The following CCDC148 variants were observed in gnomAD, a reference collection of about 807,000 sequenced individuals.
CCDC148 encodes the protein coiled-coil domain-containing protein 148.
CCDC148 carries 89 observed loss-of-function variants against 85.7 expected under a neutral mutation model. That is an observed-to-expected ratio of 1.04 (90% CI 0.87 to 1.24). The LOEUF is 1.24. Ranked by LOEUF, CCDC148 falls within the 50% of genes most tolerant of loss-of-function variation. The probability of loss-of-function intolerance (pLI) is 0.00; values close to 1 mark genes in which losing one functional copy is unlikely to be tolerated. For missense variants in CCDC148, 692 were observed against 671.7 expected (o/e 1.03, Z -0.33); for synonymous variants, 230 against 213.9 (o/e 1.08, Z -0.66).
chr2:158,452,883 C>G (rs1192286076), intron 1 of CCDC148, among the ~76,000 whole-genome samples: 1 of 152,182 alleles, frequency 6.6e-6, no homozygotes, highest in Admixed American at 6.5e-5. Context: ...CCACTGTTTT[C>G]CAAGAGACAG....
chr2:158,265,039 T>C (rs187965812), intron 9 of CCDC148, among the ~76,000 whole-genome samples: 132 of 152,234 alleles, frequency 8.7e-4, no homozygotes, highest in African/African-American at 3.1e-3. Flanking sequence ...CTTAAAGGAA[T>C]AGCTATGACC....
At chr2:158,360,157 C>A (rs1251966925) in intron 1 of CCDC148, among the ~76,000 whole-genome samples, 2 of 152,206 alleles carry the variant, frequency 1.3e-5, no homozygotes, top group African/African-American at 2.4e-5. Context: ...AATCTCTGAA[C>A]AATAGGCAGC....
Position 158,250,763 on chromosome 2 carries a change from AT to A in CCDC148, c.1251+8del. The A allele has an allele frequency of 6.5e-7, 1 of 1,535,902 alleles. No homozygotes were observed. The stretch of plus-strand genomic sequence containing the variant: ...ATTCACACATTCGTATTGACAATAG[AT>A]TTTTTACTTTTTTTTTCTTCTCTGC... On this transcript the variant is annotated splice_region_variant and intron_variant, in intron 10 of 13. Coordinates refer to ENST00000283233, the MANE Select transcript of CCDC148 (RefSeq NM_138803.4).
intron 10 of CCDC148, among the ~76,000 whole-genome samples, chr2:158,232,324 C>A (rs1669746909): frequency 6.6e-6 from 1 of 152,078 alleles, no homozygotes; most frequent in Non-Finnish European, 1.5e-5. Flanking sequence ...GATTTTGGAG[C>A]CAAAATAATG....
chr2:158,280,516 A>G (rs953620039), intron 9 of CCDC148, among the ~76,000 whole-genome samples: 1 of 152,222 alleles, frequency 6.6e-6, no homozygotes, highest in African/African-American at 2.4e-5. Context: ...AACAAAGATC[A>G]AAAGAGACAA....
At chr2:158,377,516 T>C (rs1349761916) in intron 1 of CCDC148, among the ~76,000 whole-genome samples, 1 of 152,100 alleles carries the variant, frequency 6.6e-6, no homozygotes, top group East Asian at 1.9e-4. Context: ...AATGTATGTA[T>C]GTAATTGGAA....
Position 158,181,314 on chromosome 2 carries a change from A to G in CCDC148, c.1371-2318T>C, listed in dbSNP as rs1004012657. The stretch of plus-strand genomic sequence containing the variant: ...AGGCATTTGTACTTGTGTGGTAGAG[A>G]AGGCTGACTCATCATTTACTTTGAG... On this transcript the variant is annotated intron_variant, in intron 11 of 13. Transcript: ENST00000283233. 2.0e-5 allele frequency among the ~76,000 whole-genome samples: 3 copies of G among 152,180 alleles called. No individual in the cohort carries two copies. In the East Asian group the frequency reaches 5.8e-4, roughly 29 times the overall value.
At chr2:158,182,152 C>T (rs531405018) in intron 11 of CCDC148, among the ~76,000 whole-genome samples, 1 of 152,210 alleles carries the variant, frequency 6.6e-6, no homozygotes, top group East Asian at 1.9e-4. Flanking sequence ...AGTTTGAACA[C>T]AGACCTGTCT....
In CCDC148 at chr2:158,309,632, T is replaced by C. The variant is rs765241995; in HGVS notation, c.911A>G (p.His304Arg). 7.5e-6 allele frequency: 12 copies of C among 1,610,028 alleles called. No homozygotes were observed. In the South Asian group the frequency reaches 7.7e-5, roughly 10 times the overall value. ...GCGATATTGGTCACAATATTTCTCG[T>C]GTTCAACCTGAAAAGATAACAGAGG... is the stretch of plus-strand genomic sequence containing the variant. ...PHKSRHDLVE[H>R]EKYCDQYRFA... Residue 304 changes from histidine (H) to arginine (R), a missense_variant, in exon 9 of 14, where the codon CAC becomes CGC. His to Arg is a conservative substitution (Grantham distance 29, BLOSUM62 0). Coordinates refer to ENST00000283233, the MANE Select transcript of CCDC148 (RefSeq NM_138803.4).
intron 2 of CCDC148, among the ~76,000 whole-genome samples, chr2:158,349,315 CT>C (rs1391902797): frequency 6.6e-5 from 10 of 151,574 alleles, no homozygotes; most frequent in Admixed American, 3.3e-4. Context: ...AATTACATGT[CT>C]AAAAAAAGAG....
intron 9 of CCDC148, among the ~76,000 whole-genome samples, chr2:158,280,559 T>C (rs937297712): frequency 2.8e-4 from 43 of 152,282 alleles, no homozygotes; most frequent in African/African-American, 9.9e-4. Flanking sequence ...AAGGGATCAA[T>C]TCAACAAGAA....
intron 9 of CCDC148, among the ~76,000 whole-genome samples, chr2:158,273,293 C>G (rs773277015): frequency 4.6e-5 from 7 of 152,064 alleles, no homozygotes; most frequent in African/African-American, 1.4e-4. Flanking sequence ...AGTGAAGGAC[C>G]TGATTAGTAG....
At chr2:158,321,759 T>A (rs1379587843) in intron 7 of CCDC148, among the ~76,000 whole-genome samples, 1 of 152,244 alleles carries the variant, frequency 6.6e-6, no homozygotes, top group East Asian at 1.9e-4. Flanking sequence ...GAGTGTTGCC[T>A]TCTGATGCTG....
intron 11 of CCDC148, among the ~76,000 whole-genome samples, chr2:158,217,796 T>C (rs1686968496): frequency 6.6e-6 from 1 of 152,210 alleles, no homozygotes; most frequent in South Asian, 2.1e-4. Flanking sequence ...GATATGTGTG[T>C]GTGTTCTGAA....
At chr2:158,378,424 T>C (rs935070490) in intron 1 of CCDC148, among the ~76,000 whole-genome samples, 4 of 152,158 alleles carry the variant, frequency 2.6e-5, no homozygotes, top group African/African-American at 9.6e-5. Flanking sequence ...AAATGCAAGA[T>C]GGAGCAGCAA....
intron 1 of CCDC148, among the ~76,000 whole-genome samples, chr2:158,430,602 T>C (rs956050264): frequency 2.0e-5 from 3 of 152,206 alleles, no homozygotes; most frequent in Non-Finnish European, 4.4e-5. Flanking sequence ...CATTTTGAAA[T>C]AGCTTGGAGA....
intron 9 of CCDC148, among the ~76,000 whole-genome samples, chr2:158,292,304 G>A (rs570134354): frequency 6.6e-6 from 1 of 152,234 alleles, no homozygotes; most frequent in East Asian, 1.9e-4. Context: ...TAATCAGCTT[G>A]GCAAGGAATA....
intron 7 of CCDC148, among the ~76,000 whole-genome samples, chr2:158,316,040 C>T (rs1410491482): frequency 6.6e-6 from 1 of 152,176 alleles, no homozygotes; most frequent in Admixed American, 6.5e-5. Context: ...GTTTAGGAAT[C>T]CCTGTCTCAG....
Position 158,433,087 on chromosome 2 carries a change from AAAAAATAT to A in CCDC148, c.25+23320_25+23327del, listed in dbSNP as rs906716588. 2.3e-4 allele frequency among the ~76,000 whole-genome samples: 12 copies of A among 51,610 alleles called. 1 individual carries two copies. The East Asian group carries it at 4.0e-3, about 17-fold the overall frequency. 33.9% of individuals were successfully genotyped at this position (51,610 alleles called of 152,430 possible). A position where few individuals can be genotyped will look rare whatever the true frequency, so the allele number is the denominator to read the frequency against. On this transcript the variant is annotated intron_variant, in intron 1 of 13. Transcript: ENST00000283233. Reference sequence around the variant, plus strand: ...ACCTCATCTCTACAAAAAAAAAAAAAAAAAATATATATATATATATATATGACTTGGGT... The same window carrying A: ...ACCTCATCTCTACAAAAAAAAAAAAAATATATATATATATATGACTTGGGT...
Sources: allele counts gnomAD v4.1 joint callset (sites outside exome capture counted in the v4.1 genomes callset), GRCh38; gene constraint gnomAD v4.1.1; transcripts MANE v1.5; gene names NCBI Gene and HGNC (gene_info 2026-07-23, HGNC 2026-07-21).